Variants in GABRG3 observed in about 807,000 individuals in gnomAD.
GABRG3 encodes gamma-aminobutyric acid type A receptor subunit gamma3.
GABRG3 carries 25 observed loss-of-function variants against 48.8 expected under a neutral mutation model. That is an observed-to-expected ratio of 0.51 (90% CI 0.37 to 0.72). The LOEUF is 0.72. GABRG3 is among the 30% of genes least tolerant of loss of function. GABRG3 has a pLI of 0.00. For synonymous variants in GABRG3, 227 were observed against 217.6 expected (o/e 1.04, Z -0.38); for missense variants, 394 against 577.9 (o/e 0.68, Z 3.26).
At chr15:27,124,069 G>A (rs1202479796) in intron 3 of GABRG3, among the ~76,000 whole-genome samples, 1 of 152,190 alleles carries the variant, frequency 6.6e-6, no homozygotes, top group African/African-American at 2.4e-5. Context: ...GGAGGGCAGC[G>A]GTGAGGAGGT....
intron 3 of GABRG3, among the ~76,000 whole-genome samples, chr15:27,142,546 A>G (rs1898124217): frequency 6.6e-6 from 1 of 152,214 alleles, no homozygotes; most frequent in African/African-American, 2.4e-5. Context: ...GGTCCCTCCC[A>G]CAACATGTGG....
chr15:27,328,936 C>G (rs1893713857), intron 5 of GABRG3, 48 bp downstream of exon 5: 1 of 1,433,518 alleles, frequency 7.0e-7, no homozygotes, highest in Non-Finnish European at 9.8e-7. Flanking sequence ...TGAGGGATGC[C>G]TAGCCTGGTA....
chr15:27,282,823 A>G (rs1043143652), intron 3 of GABRG3, among the ~76,000 whole-genome samples: 7 of 152,114 alleles, frequency 4.6e-5, no homozygotes, highest in South Asian at 2.1e-4. Flanking sequence ...CCTGAGTATT[A>G]TGCGATGAAA....
chr15:27,355,572 C>T (rs190543040), intron 5 of GABRG3, among the ~76,000 whole-genome samples: 74 of 152,310 alleles, frequency 4.9e-4, no homozygotes, highest in African/African-American at 1.7e-3. Flanking sequence ...GTTCCTCAAA[C>T]AGTAAAGCAT....
At chr15:27,394,487 A>G (rs1324616575) in intron 5 of GABRG3, among the ~76,000 whole-genome samples, 1 of 151,988 alleles carries the variant, frequency 6.6e-6, no homozygotes, top group Non-Finnish European at 1.5e-5. Context: ...GAAAATTGTT[A>G]TTAAAGTACA....
intron 5 of GABRG3, among the ~76,000 whole-genome samples, chr15:27,359,414 C>T (rs559625063): frequency 2.6e-4 from 39 of 152,282 alleles, no homozygotes; most frequent in African/African-American, 8.9e-4. Context: ...GTATTTTCCA[C>T]AATGGTCTGT....
At chr15:27,096,514 C>G (rs564027385) in intron 3 of GABRG3, among the ~76,000 whole-genome samples, 1 of 152,216 alleles carries the variant, frequency 6.6e-6, no homozygotes, top group African/African-American at 2.4e-5. Flanking sequence ...TGTCTTAGGA[C>G]AAGGATCTCT....
chr15:27,252,006 A>T (rs1890472057), intron 3 of GABRG3, among the ~76,000 whole-genome samples: 1 of 152,198 alleles, frequency 6.6e-6, no homozygotes, highest in South Asian at 2.1e-4. Context: ...ATGCATGCAG[A>T]TTCAGTGCAG....
chr15:27,190,924 G>A (rs577638858), intron 3 of GABRG3, among the ~76,000 whole-genome samples: 26 of 152,132 alleles, frequency 1.7e-4, no homozygotes, highest in African/African-American at 4.6e-4. Flanking sequence ...CTGATATGTC[G>A]TGCTTGTTCT....
chr15:27,098,574 A>G (rs1169988357), intron 3 of GABRG3, among the ~76,000 whole-genome samples: 1 of 152,126 alleles, frequency 6.6e-6, no homozygotes, highest in African/African-American at 2.4e-5. Context: ...GTTTTTAAAT[A>G]AGAAGTTTGA....
At chr15:27,003,201 A>ATTTATT (rs768022244) in intron 2 of GABRG3, among the ~76,000 whole-genome samples, 36 of 139,206 alleles carry the variant, frequency 2.6e-4, no homozygotes, top group Admixed American at 2.2e-4. Flanking sequence ...TTTTTATTTT[A>ATTTATT]TATTTATTTA....
chr15:27,330,858 A>G (rs1893779939), intron 5 of GABRG3, among the ~76,000 whole-genome samples: 1 of 152,182 alleles, frequency 6.6e-6, no homozygotes, highest in Admixed American at 6.5e-5. Flanking sequence ...GTGTCGTGGT[A>G]GTGATGGGTG....
chr15:27,260,858 G>A (rs947161307), intron 3 of GABRG3, among the ~76,000 whole-genome samples: 3 of 152,274 alleles, frequency 2.0e-5, no homozygotes, highest in Non-Finnish European at 2.9e-5. Flanking sequence ...TGATGTGGTC[G>A]GGAGCAGGAG....
At chr15:27,006,145 G>C (rs932634818) in intron 2 of GABRG3, among the ~76,000 whole-genome samples, 6 of 151,588 alleles carry the variant, frequency 4.0e-5, no homozygotes, top group Non-Finnish European at 8.8e-5. Flanking sequence ...TCTGGAAAAA[G>C]TTTCTTCAAT....
intron 5 of GABRG3, among the ~76,000 whole-genome samples, chr15:27,403,941 A>AAAAAAAAAAAG (rs1264997845): frequency 8.5e-6 from 1 of 117,118 alleles, no homozygotes. Flanking sequence ...AAAAAAAAAA[A>AAAAAAAAAAAG]CCGGGCTTGG....
chr15:27,455,644 TTGTGTGTGTGA>T (rs1180840082), intron 5 of GABRG3, among the ~76,000 whole-genome samples: 1 of 151,074 alleles, frequency 6.6e-6, no homozygotes, highest in Non-Finnish European at 1.5e-5. Flanking sequence ...CGTGGGTGGT[TTGTGTGTGTGA>T]TGTGTGTGTG....
At chr15:27,359,232 C>G (rs1380792800) in intron 5 of GABRG3, among the ~76,000 whole-genome samples, 1 of 152,240 alleles carries the variant, frequency 6.6e-6, no homozygotes, top group Non-Finnish European at 1.5e-5. Context: ...GAGGGGTGCC[C>G]TCCCCGCTAC....
intron 5 of GABRG3, among the ~76,000 whole-genome samples, chr15:27,453,063 CATT>C (rs906049621): frequency 6.6e-6 from 1 of 152,140 alleles, no homozygotes; most frequent in Non-Finnish European, 1.5e-5. Context: ...TGCATGACCT[CATT>C]TATATGTGGA....
At chr15:27,302,730 TAAAAC>T (rs1234388085) in intron 3 of GABRG3, among the ~76,000 whole-genome samples, 2 of 151,956 alleles carry the variant, frequency 1.3e-5, no homozygotes. Flanking sequence ...TTCTGGGTCA[TAAAAC>T]AAACTCCAAA....
Sources: gnomAD v4.1 joint callset for allele counts (sites outside exome capture counted in the v4.1 genomes callset) on GRCh38, gnomAD v4.1.1 for gene constraint, MANE v1.5 for transcripts, NCBI Gene and HGNC (gene_info 2026-07-23, HGNC 2026-07-21) for gene names.